Variants in ZBTB20 observed in about 807,000 individuals in gnomAD.
ZBTB20 encodes zinc finger and BTB domain-containing protein 20.
ZBTB20 carries 9 observed loss-of-function variants against 56.9 expected under a neutral mutation model. The ratio of observed to expected loss-of-function variants is 0.16; its 90% confidence interval spans 0.10 to 0.28. The LOEUF (loss-of-function observed/expected upper bound fraction) is 0.28, where lower values mean the gene tolerates loss of function less well. Ranked by LOEUF, ZBTB20 falls within the 10% of genes least tolerant of loss-of-function variation. The probability of loss-of-function intolerance (pLI) is 1.00; values close to 1 mark genes in which losing one functional copy is unlikely to be tolerated. For missense variants in ZBTB20, 655 were observed against 1,003.0 expected (o/e 0.65, Z 4.69); for synonymous variants, 417 against 420.7 (o/e 0.99, Z 0.11).
chr3:114,864,307 TAAATA>T lies in ZBTB20; in HGVS notation c.-417+35992_-417+35996del, dbSNP rs558001137. On this transcript the variant is annotated intron_variant, in intron 4 of 11. Transcript: ENST00000675478. Reference sequence around the variant, plus strand: ...TCAATCCAATAAAATTAAATGGAGTTAAATAAAGCAGTCTGCTTGAACCTCAGTAT... The same window carrying T: ...TCAATCCAATAAAATTAAATGGAGTTAAGCAGTCTGCTTGAACCTCAGTAT... Among the ~76,000 whole-genome samples the T allele has an allele frequency of 8.5e-5, 13 of 152,194 alleles. No homozygotes were observed. The East Asian group carries it at 2.5e-3, about 29-fold the overall frequency.
intron 5 of ZBTB20, chr3:114,791,654 A>G (rs2070964914): frequency 6.6e-6 from 1 of 152,218 alleles, no homozygotes; most frequent in South Asian, 2.1e-4. Context: ...ATATCAAGTA[A>G]TGTAAGCAAA....
intron 4 of ZBTB20, among the ~76,000 whole-genome samples, chr3:114,877,911 G>A (rs1438233918): frequency 1.3e-5 from 2 of 152,008 alleles, no homozygotes; most frequent in Non-Finnish European, 2.9e-5. Flanking sequence ...TTGTACTGAA[G>A]GACAATACTC....
At chr3:114,746,687 T>C (rs570357516) in intron 5 of ZBTB20, among the ~76,000 whole-genome samples, 13 of 152,280 alleles carry the variant, frequency 8.5e-5, no homozygotes, top group African/African-American at 3.1e-4. Context: ...TTACTTTCTG[T>C]TATAAGGAGG....
At chr3:114,982,207 A>G (rs1273201386) in intron 2 of ZBTB20, among the ~76,000 whole-genome samples, 1 of 152,090 alleles carries the variant, frequency 6.6e-6, no homozygotes, top group Non-Finnish European at 1.5e-5. Flanking sequence ...TAAATGGGCA[A>G]TATTATCATA....
intron 6 of ZBTB20, among the ~76,000 whole-genome samples, chr3:114,574,312 A>G (rs1001497516): frequency 6.6e-6 from 1 of 152,212 alleles, no homozygotes; most frequent in Non-Finnish European, 1.5e-5. Context: ...AAGTAAAATT[A>G]ATGGGTCAGA....
chr3:114,390,601 T>C (rs1355992816), intron 7 of ZBTB20, among the ~76,000 whole-genome samples: 1 of 152,262 alleles, frequency 6.6e-6, no homozygotes, highest in Non-Finnish European at 1.5e-5. Context: ...CCTCAGGCTT[T>C]GTCTACCCCA....
intron 2 of ZBTB20, among the ~76,000 whole-genome samples, chr3:114,998,688 T>A (rs2079122963): frequency 1.3e-5 from 2 of 151,712 alleles, no homozygotes; most frequent in Non-Finnish European, 2.9e-5. Flanking sequence ...GGGATCAAGC[T>A]GAGCTTACCT....
At chr3:114,386,596 C>CTAACA (rs1168404629) in intron 8 of ZBTB20, among the ~76,000 whole-genome samples, 1 of 152,140 alleles carries the variant, frequency 6.6e-6, no homozygotes. Context: ...GAGGGCTGAA[C>CTAACA]TAACACATTT....
At chr3:114,349,199 CAAAAAAA>C (rs35387890) in intron 11 of ZBTB20, among the ~76,000 whole-genome samples, 4 of 116,354 alleles carry the variant, frequency 3.4e-5, no homozygotes, top group Admixed American at 8.7e-5. Flanking sequence ...GACCCTGTCT[CAAAAAAA>C]AAAAAAAAAA....
chr3:114,571,090 A>C (rs2053382047), intron 6 of ZBTB20, among the ~76,000 whole-genome samples: 1 of 152,182 alleles, frequency 6.6e-6, no homozygotes, highest in African/African-American at 2.4e-5. Context: ...TAAAAAAAGA[A>C]AGAAAATATT....
At chr3:114,945,166 T>C (rs2076843716) in intron 3 of ZBTB20, among the ~76,000 whole-genome samples, 1 of 145,170 alleles carries the variant, frequency 6.9e-6, no homozygotes, top group Admixed American at 6.7e-5. Flanking sequence ...AATACCAACG[T>C]AGAATTCTCT....
chr3:114,642,444 G>A (rs2059610601), intron 6 of ZBTB20, among the ~76,000 whole-genome samples: 1 of 151,896 alleles, frequency 6.6e-6, no homozygotes, highest in African/African-American at 2.4e-5. Flanking sequence ...AATTGCTCAG[G>A]GTGAAAAAAG....
intron 4 of ZBTB20, among the ~76,000 whole-genome samples, chr3:114,844,860 CTT>C (rs11396350): frequency 1.8e-4 from 23 of 130,398 alleles, no homozygotes; most frequent in Admixed American, 2.4e-4. Flanking sequence ...TTTTCTTTTT[CTT>C]TTTTTTTTTT....
At chr3:114,614,198 G>A (rs1372289957) in intron 6 of ZBTB20, among the ~76,000 whole-genome samples, 1 of 152,170 alleles carries the variant, frequency 6.6e-6, no homozygotes, top group East Asian at 1.9e-4. Context: ...ATATATATGA[G>A]AAATGATTTA....
intron 1 of ZBTB20, among the ~76,000 whole-genome samples, chr3:115,085,216 A>C (rs1352898591): frequency 2.0e-5 from 3 of 151,966 alleles, no homozygotes; most frequent in Admixed American, 6.6e-5. Flanking sequence ...CTCTTCCTTA[A>C]ATCAAAACAC....
intron 4 of ZBTB20, among the ~76,000 whole-genome samples, chr3:114,885,368 A>T (rs1316427517): frequency 6.6e-6 from 1 of 152,122 alleles, no homozygotes. Context: ...AAGGACACCT[A>T]CACCCTGCCT....
intron 8 of ZBTB20, among the ~76,000 whole-genome samples, chr3:114,382,846 C>T (rs1326952430): frequency 1.3e-5 from 2 of 152,166 alleles, no homozygotes; most frequent in Non-Finnish European, 2.9e-5. Context: ...GTCATTCATT[C>T]ATTTACATAT....
chr3:114,691,408 T>G (rs1373381945), intron 6 of ZBTB20, among the ~76,000 whole-genome samples: 1 of 152,120 alleles, frequency 6.6e-6, no homozygotes, highest in Admixed American at 6.6e-5. Context: ...GGGAGTTCAT[T>G]ATAGTAATTT....
intron 6 of ZBTB20, among the ~76,000 whole-genome samples, chr3:114,543,118 G>A (rs1345611719): frequency 4.6e-5 from 7 of 151,950 alleles, no homozygotes; most frequent in Non-Finnish European, 1.0e-4. Context: ...AAGTGGCACA[G>A]TATTTACATA....
Sources: gnomAD v4.1 joint callset for allele counts (sites outside exome capture counted in the v4.1 genomes callset) on GRCh38, gnomAD v4.1.1 for gene constraint, MANE v1.5 for transcripts, NCBI Gene and HGNC (gene_info 2026-07-23, HGNC 2026-07-21) for gene names.